SLPI: variants seen among roughly 807,000 people sequenced by gnomAD.
SLPI encodes secretory leukocyte peptidase inhibitor.
In SLPI, 20 loss-of-function variants were observed where a neutral mutation model predicts 14.3. The ratio of observed to expected loss-of-function variants is 1.40; its 90% CI spans 0.99 to 2.04. SLPI has a LOEUF of 2.04. SLPI is among the 30% of genes most tolerant of loss of function. The probability of loss-of-function intolerance (pLI) is 0.00; values close to 1 mark genes in which losing one functional copy is unlikely to be tolerated. For missense variants in SLPI, 169 were observed against 159.4 expected (o/e 1.06, Z -0.32); for synonymous variants, 68 against 54.8 (o/e 1.24, Z -1.07).
intron 1 of SLPI, 115 bp from the exon 2 acceptor site, chr20:45,253,848 A>G: frequency 1.1e-6 from 1 of 899,516 alleles, no homozygotes; most frequent in Non-Finnish European, 1.7e-6. Flanking sequence ...GTAGCTGTCC[A>G]CAAAGCCCAA....
At chr20:45,252,784 C>T (rs1337865509) in intron 3 of SLPI, among the ~76,000 whole-genome samples, 1 of 152,166 alleles carries the variant, frequency 6.6e-6, no homozygotes, top group Non-Finnish European at 1.5e-5. Context: ...CCAGGACCCC[C>T]ACCCAGAGAC....
Position 45,252,418 on chromosome 20 carries a change from A to G in SLPI, c.396T>C (p.Ala132=), listed in dbSNP as rs1470161979. The G allele has an allele frequency of 6.2e-7, 1 of 1,613,774 alleles. No homozygotes were observed. The highest frequency in any genetic ancestry group is 8.5e-7 in the Non-Finnish European group (1 of 1,179,948). Reference sequence around the variant, plus strand: ...AGCCTCCTCCATATGGCAGGAATCAAGCTGTGAGAGAAAATCAGATAAGAG... The same window carrying G: ...AGCCTCCTCCATATGGCAGGAATCAGGCTGTGAGAGAAAATCAGATAAGAG... ...CGKSCVSPVK[A] is the part of the protein sequence containing the mutation. Residue 132 remains alanine (A), a splice_region_variant and synonymous_variant, in exon 4 of 4, where the codon GCT becomes GCC. Coordinates refer to ENST00000338380, the MANE Select transcript of SLPI (RefSeq NM_003064.4).
chr20:45,252,659 G>A (rs1026663185), intron 3 of SLPI, among the ~76,000 whole-genome samples: 4 of 152,162 alleles, frequency 2.6e-5, no homozygotes. Context: ...CAGAAAACAT[G>A]ATGGAAACAA....
chr20:45,253,504 A>G, intron 2 of SLPI, 71 bp downstream of exon 2: 1 of 1,446,590 alleles, frequency 6.9e-7, no homozygotes, highest in Non-Finnish European at 9.5e-7. Context: ...AGGACCCATC[A>G]CCCAGTTCCA....
At chr20:45,252,820 C>A (rs548048197) in intron 3 of SLPI, among the ~76,000 whole-genome samples, 182 bp downstream of exon 3, 1 of 152,130 alleles carries the variant, frequency 6.6e-6, no homozygotes, top group Non-Finnish European at 1.5e-5. Context: ...AAGCCACAGG[C>A]GATCCTATGG....
At chr20:45,254,273 C>A (rs1437209505) in intron 1 of SLPI, among the ~76,000 whole-genome samples, 186 bp downstream of exon 1, 1 of 151,140 alleles carries the variant, frequency 6.6e-6, no homozygotes. Context: ...ATAGAGGAAG[C>A]ATTTCCAGAA....
At chr20:45,253,274 A>G in intron 2 of SLPI, 123 bp from the exon 3 acceptor site, 1 of 1,169,974 alleles carries the variant, frequency 8.5e-7, no homozygotes, top group African/African-American at 1.5e-5. Flanking sequence ...CCCCACCTCT[A>G]TCACCACCAC....
rs1984716494 is a variant in SLPI at position 45,253,229 on chromosome 20, C to A, written c.245-78G>T. On this transcript the variant is annotated intron_variant, in intron 2 of 3. Transcript: ENST00000338380. ...CCCATCCCCACTTTTTAGAGTGAGC[C>A]CCTGCTCCAGCTTCAGCAGGGGGGA... 49 of 1,522,462 alleles carry A rather than the reference C, an allele frequency of 3.2e-5. No homozygotes were observed. In the South Asian group the frequency reaches 5.6e-4, roughly 17 times the overall value. 94.3% of individuals were successfully genotyped at this position (1,522,462 alleles called of 1,614,324 possible).
At chr20:45,253,928 G>A (rs566348466) in intron 1 of SLPI, among the ~76,000 whole-genome samples, 195 bp from the exon 2 acceptor site, 3 of 152,208 alleles carry the variant, frequency 2.0e-5, no homozygotes, top group Non-Finnish European at 2.9e-5. Flanking sequence ...GACAGGGGAC[G>A]TTTCACACCC....
At chr20:45,253,192 T>C in intron 2 of SLPI, 41 bp from the exon 3 acceptor site, 1 of 1,596,060 alleles carries the variant, frequency 6.3e-7, no homozygotes, top group Non-Finnish European at 8.6e-7. Context: ...CCTTGTACTT[T>C]ATACAACCCC....
chr20:45,253,863 T>A (rs992137259), intron 1 of SLPI, 130 bp from the exon 2 acceptor site: 6 of 748,710 alleles, frequency 8.0e-6, no homozygotes, highest in Non-Finnish European at 1.3e-5. Context: ...GCCCAAAGGG[T>A]CATGCCTGCC....
chr20:45,253,249 G>T, intron 2 of SLPI, 98 bp from the exon 3 acceptor site: 2 of 1,434,042 alleles, frequency 1.4e-6, no homozygotes, highest in Admixed American at 1.9e-5. Flanking sequence ...GCTTCAGCAG[G>T]GGGGATCATC....
At position 45,254,552 on chromosome 20, in the gene SLPI, C is replaced by T; in HGVS notation, c.-9G>A. The T allele has an allele frequency of 4.3e-6, 7 of 1,612,922 alleles. No homozygotes were observed. Among genetic ancestry groups the T allele is most frequent in the Non-Finnish European group, 5.9e-6 (7 of 1,179,442 alleles). On this transcript the variant is annotated 5_prime_UTR_variant, in exon 1 of 4. Coordinates refer to ENST00000338380, the MANE Select transcript of SLPI (RefSeq NM_003064.4). ...AGGCCGCTGGACTTCATGGTGAAGG[C>T]AGGAGTGACTCTGATGGCCAATGCC...
In SLPI at chr20:45,252,377, C is replaced by A; in HGVS notation, c.*38G>T. Reference sequence around the variant, plus strand: ...CAGGGTGGAAAGGACCTGGACCACACAGAGCAGGACTCCAGAGCCTCCTCC... The same window carrying A: ...CAGGGTGGAAAGGACCTGGACCACAAAGAGCAGGACTCCAGAGCCTCCTCC... On this transcript the variant is annotated 3_prime_UTR_variant, in exon 4 of 4. Coordinates refer to ENST00000338380, the MANE Select transcript of SLPI (RefSeq NM_003064.4). 1 of 1,611,648 alleles carries A rather than the reference C, an allele frequency of 6.2e-7. No homozygotes were observed. Among genetic ancestry groups the A allele is most frequent in the Non-Finnish European group, 8.5e-7 (1 of 1,178,326 alleles).
At position 45,253,555 on chromosome 20, in the gene SLPI, C is replaced by T. The variant is rs1255979003; in HGVS notation, c.244+20G>A. On this transcript the variant is annotated intron_variant, in intron 2 of 3. Coordinates refer to ENST00000338380, the MANE Select transcript of SLPI (RefSeq NM_003064.4). ...GTCCCCAGGCTCACTCCTCTCTACC[C>T]AGTTCCCCGACCTGCTTACTTGGGT... The T allele has an allele frequency of 8.1e-6, 13 of 1,608,548 alleles. No homozygotes were observed. The highest frequency in any genetic ancestry group is 1.1e-5 in the Non-Finnish European group (13 of 1,176,998).
At position 45,253,683 on chromosome 20, in the gene SLPI, A is replaced by T; in HGVS notation, c.136T>A (p.Tyr46Asn). 1 of 1,614,130 alleles carries T rather than the reference A, an allele frequency of 6.2e-7. No individual in the cohort carries two copies. The highest frequency in any genetic ancestry group is 1.1e-5 in the South Asian group (1 of 91,078). ...TCACTCTGGCACTCAGGTTTCTTGT[A>T]TCTAAGGCACTGGGCAGATTTCTTA... ...PPKKSAQCLR[Y>N]KKPECQSDWQ... The change falls in exon 2 of 4, where the codon TAC becomes AAC. Residue 46 changes from tyrosine (Y) to asparagine (N), a missense_variant. By Grantham distance (143) the Tyr-to-Asn change is moderately radical (BLOSUM62 -2). Transcript: ENST00000338380.
At chr20:45,253,215 T>A (rs1447249773) in intron 2 of SLPI, 64 bp from the exon 3 acceptor site, 7 of 1,551,834 alleles carry the variant, frequency 4.5e-6, no homozygotes, top group African/African-American at 1.4e-5. Context: ...CCATCCCCAC[T>A]TTTTAGAGTG....
At position 45,252,465 on chromosome 20, in the gene SLPI, A is replaced by G. The variant is rs368692308; in HGVS notation, c.395-46T>C. 48 of 1,607,928 alleles carry G rather than the reference A, an allele frequency of 3.0e-5. No individual in the cohort carries two copies. In the Middle Eastern group the frequency reaches 8.2e-4, roughly 28 times the overall value. On this transcript the variant is annotated intron_variant, in intron 3 of 3. Coordinates refer to ENST00000338380, the MANE Select transcript of SLPI (RefSeq NM_003064.4). ...AGAGCTTCAGCATAGAAACCAGCCA[A>G]ATCATATCCACATCCTTCCTCCTGC... is the stretch of plus-strand genomic sequence containing the variant.
chr20:45,252,450 C>A lies in SLPI; in HGVS notation c.395-31G>T, dbSNP rs372412785. 108 of 1,613,202 alleles carry A rather than the reference C, an allele frequency of 6.7e-5. No individual in the cohort carries two copies. In the African/African-American group the frequency reaches 1.2e-3, roughly 18 times the overall value. ...AGAGAAAATCAGATAAGAGCTTCAG[C>A]ATAGAAACCAGCCAAATCATATCCA... is the stretch of plus-strand genomic sequence containing the variant. On this transcript the variant is annotated intron_variant, in intron 3 of 3. Coordinates refer to ENST00000338380, the MANE Select transcript of SLPI (RefSeq NM_003064.4).
Sources: allele counts gnomAD v4.1 joint callset (sites outside exome capture counted in the v4.1 genomes callset), GRCh38; gene constraint gnomAD v4.1.1; transcripts MANE v1.5; gene names NCBI Gene and HGNC (gene_info 2026-07-23, HGNC 2026-07-21).